DENND5B: variants seen among roughly 807,000 people sequenced by gnomAD.
DENND5B encodes the protein DENN domain containing 5B.
Under a neutral mutation model 140.6 loss-of-function variants are expected in DENND5B, and 34 were observed. That is an observed-to-expected ratio of 0.24 (90% CI 0.18 to 0.32). DENND5B has a LOEUF of 0.32. Among genes scored for constraint, DENND5B ranks in the 10% least tolerant of loss-of-function variants. The probability of loss-of-function intolerance (pLI) is 1.00; values close to 1 mark genes in which losing one functional copy is unlikely to be tolerated. For missense variants in DENND5B, 1,142 were observed against 1,560.2 expected (o/e 0.73, Z 4.52); for synonymous variants, 551 against 562.1 (o/e 0.98, Z 0.28).
chr12:31,495,967 T>A lies in DENND5B; in HGVS notation c.128-48A>T, dbSNP rs370682413. 5.3e-6 allele frequency: 7 copies of A among 1,330,730 alleles called. No individual in the cohort carries two copies. In the African/African-American group the frequency reaches 1.0e-4, roughly 19 times the overall value. The allele number at this position is 1,330,730 out of a possible 1,614,324, so 82.4% of individuals were successfully genotyped here. On this transcript the variant is annotated intron_variant, in intron 1 of 20. Coordinates refer to ENST00000389082, the MANE Select transcript of DENND5B (RefSeq NM_144973.4). ...AATATCTAGAACTTTTCCAAAAGCA[T>A]GTCATAGTTTTCTATTTATTTTATA... is the stretch of plus-strand genomic sequence containing the variant.
chr12:31,404,000 C>G (rs767676573), intron 14 of DENND5B, among the ~76,000 whole-genome samples: 23 of 150,740 alleles, frequency 1.5e-4, no homozygotes, highest in Admixed American at 1.1e-3. Context: ...GTGGGCAGAT[C>G]ACTTGCGCTC....
chr12:31,439,424 T>C (rs1449005437), intron 7 of DENND5B, among the ~76,000 whole-genome samples: 1 of 152,212 alleles, frequency 6.6e-6, no homozygotes, highest in African/African-American at 2.4e-5. Context: ...CTACTTTTCT[T>C]TCCTACTTTG....
At chr12:31,478,658 A>G (rs1945931035) in intron 3 of DENND5B, among the ~76,000 whole-genome samples, 1 of 151,996 alleles carries the variant, frequency 6.6e-6, no homozygotes. Flanking sequence ...CCATGATTGC[A>G]CTACTGCACT....
intron 18 of DENND5B, 58 bp downstream of exon 18, chr12:31,392,556 C>T: frequency 6.5e-7 from 1 of 1,527,710 alleles, no homozygotes; most frequent in Non-Finnish European, 8.8e-7. Context: ...CCTCGTGTAT[C>T]ACATATAAAA....
chr12:31,520,111 T>C (rs1312941579), intron 1 of DENND5B, among the ~76,000 whole-genome samples: 2 of 152,238 alleles, frequency 1.3e-5, no homozygotes, highest in East Asian at 1.9e-4. Context: ...TTTTCTCTAG[T>C]CCAATCCTAT....
intron 1 of DENND5B, among the ~76,000 whole-genome samples, chr12:31,559,585 G>C (rs897791468): frequency 2.6e-4 from 39 of 152,186 alleles, no homozygotes; most frequent in South Asian, 8.3e-4. Context: ...GGAAAGTTTT[G>C]CCTATACTGT....
At chr12:31,574,295 A>ATTATTATTATTATT (rs1949931376) in intron 1 of DENND5B, among the ~76,000 whole-genome samples, 10 of 144,572 alleles carry the variant, frequency 6.9e-5, no homozygotes, top group African/African-American at 2.0e-4. Flanking sequence ...TAATAATAAT[A>ATTATTATTATTATT]ATTTAAAAGG....
Position 31,527,147 on chromosome 12 carries a change from G to A in DENND5B, c.128-31228C>T, listed in dbSNP as rs537280078. 1.2e-3 allele frequency among the ~76,000 whole-genome samples: 177 copies of A among 152,266 alleles called. 2 individuals carry two copies. The highest frequency in any genetic ancestry group is 4.2e-3 in the African/African-American group (175 of 41,556). ...TAAAGAGCATTGAGGGATCAGCACTGGGAAGCAGGTGGAGAATCACAATTT... is the reference window on the plus strand; with the variant it reads ...TAAAGAGCATTGAGGGATCAGCACTAGGAAGCAGGTGGAGAATCACAATTT... On this transcript the variant is annotated intron_variant, in intron 1 of 20. Coordinates refer to ENST00000389082, the MANE Select transcript of DENND5B (RefSeq NM_144973.4).
chr12:31,557,341 A>G (rs1949320551), intron 1 of DENND5B, among the ~76,000 whole-genome samples: 1 of 152,160 alleles, frequency 6.6e-6, no homozygotes, highest in Non-Finnish European at 1.5e-5. Context: ...TATAAAATGC[A>G]TATCAGAATT....
intron 1 of DENND5B, among the ~76,000 whole-genome samples, chr12:31,544,429 G>A (rs894048843): frequency 2.0e-5 from 3 of 152,120 alleles, no homozygotes; most frequent in African/African-American, 4.8e-5. Context: ...TTGCTGGCAT[G>A]TGCCTCCACA....
intron 14 of DENND5B, among the ~76,000 whole-genome samples, chr12:31,404,401 A>G (rs1448760444): frequency 6.6e-6 from 1 of 152,056 alleles, no homozygotes; most frequent in African/African-American, 2.4e-5. Context: ...GGCTCAAGCA[A>G]TCCTCCCATC....
intron 7 of DENND5B, among the ~76,000 whole-genome samples, chr12:31,435,848 A>G (rs1943727504): frequency 6.6e-6 from 1 of 152,008 alleles, no homozygotes. Context: ...TTTAGTAGAG[A>G]TGGGGTTTCA....
intron 5 of DENND5B, chr12:31,451,664 T>G: frequency 2.7e-6 from 1 of 369,008 alleles, no homozygotes; most frequent in South Asian, 3.2e-5. Context: ...AAAGAAAAAT[T>G]GAAAATGAGA....
intron 1 of DENND5B, among the ~76,000 whole-genome samples, chr12:31,554,532 A>G (rs1324849566): frequency 1.3e-5 from 2 of 152,036 alleles, no homozygotes; most frequent in Non-Finnish European, 1.5e-5. Context: ...GAATCTGACA[A>G]TTATGTGTCT....
At chr12:31,444,830 A>T (rs931443644) in intron 6 of DENND5B, among the ~76,000 whole-genome samples, 1 of 152,212 alleles carries the variant, frequency 6.6e-6, no homozygotes, top group African/African-American at 2.4e-5. Flanking sequence ...CAATTTCCAA[A>T]ACCACATAGG....
intron 1 of DENND5B, among the ~76,000 whole-genome samples, chr12:31,579,383 C>T (rs1193255936): frequency 1.3e-5 from 2 of 152,114 alleles, no homozygotes; most frequent in Non-Finnish European, 2.9e-5. Flanking sequence ...TAATGGAGGC[C>T]AGGCGCAGTG....
chr12:31,477,000 G>A (rs568769456), intron 3 of DENND5B, among the ~76,000 whole-genome samples: 57 of 152,138 alleles, frequency 3.7e-4, no homozygotes, highest in African/African-American at 1.1e-3. Flanking sequence ...AGGCTGAGGC[G>A]AGTGGATCAT....
At chr12:31,537,141 A>G (rs1248629315) in intron 1 of DENND5B, among the ~76,000 whole-genome samples, 1 of 152,226 alleles carries the variant, frequency 6.6e-6, no homozygotes, top group African/African-American at 2.4e-5. Context: ...TCAAGGTACA[A>G]AACTCACTGG....
intron 15 of DENND5B, among the ~76,000 whole-genome samples, chr12:31,402,131 G>A (rs1262788412): frequency 6.6e-6 from 1 of 150,618 alleles, no homozygotes; most frequent in African/African-American, 2.4e-5. Flanking sequence ...TTTTGCCAAA[G>A]GATGACCAGG....
Sources: allele counts gnomAD v4.1 joint callset (sites outside exome capture counted in the v4.1 genomes callset), GRCh38; gene constraint gnomAD v4.1.1; transcripts MANE v1.5; gene names NCBI Gene and HGNC (gene_info 2026-07-23, HGNC 2026-07-21).